The following RPH3A variants were observed in gnomAD, a reference collection of about 807,000 sequenced individuals.
RPH3A encodes rabphilin 3A, also known as rabphilin-3A.
RPH3A carries 48 observed loss-of-function variants against 102.2 expected under a neutral mutation model. The ratio of observed to expected loss-of-function variants is 0.47; its 90% CI spans 0.37 to 0.60. RPH3A has a LOEUF of 0.60. Ranked by LOEUF, RPH3A falls within the 20% of genes least tolerant of loss-of-function variation. The pLI is 0.00. For missense variants in RPH3A, 781 were observed against 910.1 expected (o/e 0.86, Z 1.83); for synonymous variants, 310 against 324.3 (o/e 0.96, Z 0.47).
rs536275978 is a variant in RPH3A, at chr12:112,605,421, C to T, written c.-140+30102C>T. 1.6e-4 allele frequency among the ~76,000 whole-genome samples: 24 copies of T among 152,066 alleles called. 1 individual carries two copies. Among genetic ancestry groups the T allele is most frequent in the East Asian group, 7.7e-4 (4 of 5,170 alleles). ...AAAAACAAAAACAAAAAAATCCAAA[C>T]GAAACCGAACAAAACAAAAAACAAA... is the stretch of plus-strand genomic sequence containing the variant. On this transcript the variant is annotated intron_variant, in intron 1 of 21. Coordinates refer to the RPH3A transcript ENST00000543106.
At chr12:112,811,895 A>G (rs1452146442) in intron 2 of RPH3A, among the ~76,000 whole-genome samples, 5 of 152,148 alleles carry the variant, frequency 3.3e-5, no homozygotes, top group Non-Finnish European at 1.5e-5. Context: ...TGGTGGAGGC[A>G]TGACTGGATC....
At chr12:112,588,370 C>T (rs1417022097) in intron 1 of RPH3A, among the ~76,000 whole-genome samples, 1 of 150,760 alleles carries the variant, frequency 6.6e-6, no homozygotes, top group Non-Finnish European at 1.5e-5. Flanking sequence ...GAAAGAGGAG[C>T]AAAGGCATGT....
intron 1 of RPH3A, among the ~76,000 whole-genome samples, chr12:112,617,334 G>T (rs1327471908): frequency 1.3e-5 from 2 of 152,110 alleles, no homozygotes; most frequent in African/African-American, 4.8e-5. Context: ...AGGCTCCTTG[G>T]GGTGGCTCAG....
At chr12:112,895,676 G>T in intron 20 of RPH3A, 101 bp from the exon 21 acceptor site, 1 of 736,958 alleles carries the variant, frequency 1.4e-6, no homozygotes. Flanking sequence ...CCAGCTCAAG[G>T]ACCTCTCCTT....
chr12:112,675,495 C>T (rs1280749646), intron 1 of RPH3A, among the ~76,000 whole-genome samples: 4 of 152,186 alleles, frequency 2.6e-5, no homozygotes, highest in African/African-American at 9.6e-5. Flanking sequence ...GGTGAGAAAA[C>T]TGAGACATAA....
intron 2 of RPH3A, among the ~76,000 whole-genome samples, chr12:112,798,435 C>T (rs2041276462): frequency 6.6e-6 from 1 of 151,980 alleles, no homozygotes; most frequent in African/African-American, 2.4e-5. Flanking sequence ...TTTAATGCAC[C>T]TACACAATGA....
intron 2 of RPH3A, among the ~76,000 whole-genome samples, chr12:112,796,545 C>T (rs1341972797): frequency 3.3e-5 from 5 of 152,208 alleles, no homozygotes. Context: ...CAGAGGCCTG[C>T]ATACAGTAGG....
At chr12:112,776,873 C>CAAAAAAAAAAAAA (rs548377186) in intron 1 of RPH3A, among the ~76,000 whole-genome samples, 7 of 73,908 alleles carry the variant, frequency 9.5e-5, no homozygotes, top group Non-Finnish European at 1.2e-4. Context: ...GACTCCATCT[C>CAAAAAAAAAAAAA]AAAAAAAAAA....
At chr12:112,688,385 A>G (rs1030184298) in intron 1 of RPH3A, among the ~76,000 whole-genome samples, 6 of 152,118 alleles carry the variant, frequency 3.9e-5, no homozygotes, top group Admixed American at 3.9e-4. Flanking sequence ...ATTTAGAGGA[A>G]CTCCCAGAGG....
At chr12:112,772,735 T>TTA (rs1565876135) in intron 1 of RPH3A, among the ~76,000 whole-genome samples, 4 of 152,046 alleles carry the variant, frequency 2.6e-5, no homozygotes, top group South Asian at 2.1e-4. Flanking sequence ...ATTATTTAAT[T>TTA]TATATATATA....
chr12:112,882,574 C>A (rs1288274088), intron 15 of RPH3A, among the ~76,000 whole-genome samples: 1 of 152,226 alleles, frequency 6.6e-6, no homozygotes, highest in Non-Finnish European at 1.5e-5. Context: ...ACACACCGCC[C>A]TCCACCCTCA....
At chr12:112,863,232 AT>A (rs2136216105) in intron 5 of RPH3A, among the ~76,000 whole-genome samples, 1 of 152,330 alleles carries the variant, frequency 6.6e-6, no homozygotes, top group South Asian at 2.1e-4. Context: ...CAGAATCTGC[AT>A]TTTAACAGAT....
intron 2 of RPH3A, among the ~76,000 whole-genome samples, chr12:112,807,040 AAAG>A (rs1255012000): frequency 1.3e-5 from 2 of 152,096 alleles, no homozygotes; most frequent in African/African-American, 4.8e-5. Context: ...GCAGGATCTG[AAAG>A]AAGGCCAGCA....
chr12:112,640,098 A>G (rs1163878147), intron 1 of RPH3A, among the ~76,000 whole-genome samples: 2 of 151,312 alleles, frequency 1.3e-5, no homozygotes, highest in Non-Finnish European at 2.9e-5. Flanking sequence ...AGGCAGGTGA[A>G]TCACTTGAGG....
chr12:112,578,763 C>T (rs1592890603), intron 1 of RPH3A, among the ~76,000 whole-genome samples: 1 of 152,252 alleles, frequency 6.6e-6, no homozygotes, highest in South Asian at 2.1e-4. Context: ...CATGAAATGT[C>T]AACAACTGAA....
chr12:112,576,012 C>T (rs531020995), intron 1 of RPH3A, among the ~76,000 whole-genome samples: 1 of 152,326 alleles, frequency 6.6e-6, no homozygotes, highest in South Asian at 2.1e-4. Context: ...ACAATGGGCC[C>T]AACTCTTACC....
At chr12:112,639,774 C>G (rs953203335) in intron 1 of RPH3A, among the ~76,000 whole-genome samples, 2 of 152,170 alleles carry the variant, frequency 1.3e-5, no homozygotes, top group African/African-American at 4.8e-5. Context: ...ACACATCAGA[C>G]TGACACCTTT....
At chr12:112,661,766 G>A (rs2040049892) in intron 1 of RPH3A, among the ~76,000 whole-genome samples, 1 of 151,482 alleles carries the variant, frequency 6.6e-6, no homozygotes, top group South Asian at 2.1e-4. Context: ...TACCTTCTGT[G>A]AGCAATTAAG....
At position 112,883,884 on chromosome 12, in the gene RPH3A, C is replaced by T. The variant is rs569961767; in HGVS notation, c.1436+482C>T. ...ATATATATATCCACTTTTATTTATCCAGTTTTATTTATCCAGTTTACTGTT... is the reference window on the plus strand; with the variant it reads ...ATATATATATCCACTTTTATTTATCTAGTTTTATTTATCCAGTTTACTGTT... On this transcript the variant is annotated intron_variant, in intron 16 of 21. Coordinates refer to ENST00000389385, the MANE Select transcript of RPH3A (RefSeq NM_001143854.2). Among the ~76,000 whole-genome samples the T allele has an allele frequency of 2.6e-5, 4 of 151,926 alleles. No individual in the cohort carries two copies. The South Asian group carries it at 8.3e-4, about 32-fold the overall frequency.
Sources: gnomAD v4.1 joint callset for allele counts (sites outside exome capture counted in the v4.1 genomes callset) on GRCh38, gnomAD v4.1.1 for gene constraint, MANE v1.5 for transcripts, NCBI Gene and HGNC (gene_info 2026-07-23, HGNC 2026-07-21) for gene names.